The following ABCA13 variants were observed in gnomAD, a reference collection of about 807,000 sequenced individuals.
ABCA13 encodes the protein ATP binding cassette subfamily A member 13.
Under a neutral mutation model 478.7 loss-of-function variants are expected in ABCA13, and 476 were observed. The observed-to-expected ratio is 0.99, with a 90% CI of 0.92 to 1.07. The LOEUF (loss-of-function observed/expected upper bound fraction) is 1.07. Among genes scored for constraint, ABCA13 ranks in the 50% least tolerant of loss-of-function variants. The pLI, the probability that ABCA13 is intolerant of heterozygous loss-of-function variation, is 0.00. For synonymous variants in ABCA13, 2,252 were observed against 2,158.9 expected, an observed-to-expected ratio of 1.04 and a Z score of -1.20; for missense variants, 6,060 against 5,910.6, an observed-to-expected ratio of 1.03 and a Z score of -0.83.
intron 27 of ABCA13, among the ~76,000 whole-genome samples, chr7:48,319,059 G>A (rs1255688110): frequency 6.6e-6 from 1 of 152,148 alleles, no homozygotes; most frequent in Non-Finnish European, 1.5e-5. Context: ...AGGCTGTGGG[G>A]GGCAGCTGGT....
intron 1 of ABCA13, among the ~76,000 whole-genome samples, chr7:48,176,327 G>C (rs1355845031): frequency 6.6e-6 from 1 of 152,098 alleles, no homozygotes; most frequent in African/African-American, 2.4e-5. Context: ...TTAATACGAG[G>C]ACATCAATGT....
intron 35 of ABCA13, among the ~76,000 whole-genome samples, chr7:48,381,821 T>C (rs897393823): frequency 1.3e-5 from 2 of 152,180 alleles, no homozygotes; most frequent in Admixed American, 1.3e-4. Flanking sequence ...CACATATTAA[T>C]GTGCCCAATT....
At chr7:48,233,272 A>G (rs1450488642) in intron 7 of ABCA13, among the ~76,000 whole-genome samples, 5 of 152,182 alleles carry the variant, frequency 3.3e-5, no homozygotes, top group African/African-American at 9.7e-5. Flanking sequence ...GGCTCAGTCA[A>G]TGGGTGTTGA....
chr7:48,631,117 C>G (rs1003902675), intron 59 of ABCA13, among the ~76,000 whole-genome samples: 2 of 151,792 alleles, frequency 1.3e-5, no homozygotes, highest in African/African-American at 4.8e-5. Flanking sequence ...TTATTTTTAA[C>G]TCTGTTGATA....
chr7:48,626,777 A>T, intron 59 of ABCA13: 7 of 985,528 alleles, frequency 7.1e-6, no homozygotes, highest in Non-Finnish European at 8.4e-6. Flanking sequence ...GTCTTTAGAG[A>T]AACAGAAGTT....
At chr7:48,287,749 A>G (rs931042774) in intron 19 of ABCA13, among the ~76,000 whole-genome samples, 2 of 152,212 alleles carry the variant, frequency 1.3e-5, no homozygotes, top group African/African-American at 4.8e-5. Flanking sequence ...TACAAAATCA[A>G]TTAGGCCCAG....
intron 16 of ABCA13, 77 bp from the exon 17 acceptor site, chr7:48,271,710 T>C: frequency 1.1e-6 from 1 of 890,890 alleles, no homozygotes; most frequent in Non-Finnish European, 1.5e-6. Flanking sequence ...TATCAATAAA[T>C]GAGTATTAAC....
chr7:48,593,030 A>G (rs2131427009), intron 57 of ABCA13, among the ~76,000 whole-genome samples: 1 of 152,032 alleles, frequency 6.6e-6, no homozygotes, highest in African/African-American at 2.4e-5. Context: ...CATTCACTTT[A>G]TGCCTTTTGA....
rs2131437427 is a variant in ABCA13 at position 48,594,483 on chromosome 7, T to C, written c.14641-227T>C. 2.0e-5 allele frequency among the ~76,000 whole-genome samples: 3 copies of C among 152,230 alleles called. No individual in the cohort carries two copies. In the South Asian group the frequency reaches 6.2e-4, roughly 32 times the overall value. On this transcript the variant is annotated intron_variant, in intron 57 of 61. Transcript: ENST00000435803. ...GTGAGAAAGAAGTGGGGCTCCTGGG[T>C]AGCATGCTGCATGGCTGGAGGAGTC...
chr7:48,409,043 A>G (rs77754631), intron 39 of ABCA13, among the ~76,000 whole-genome samples: 4,354 of 152,330 alleles, frequency 0.029, 84 homozygotes, highest in East Asian at 0.055. Flanking sequence ...TGACACATGA[A>G]CACGTTGTGT....
intron 3 of ABCA13, among the ~76,000 whole-genome samples, chr7:48,214,938 A>G (rs1342685572): frequency 6.6e-6 from 1 of 152,170 alleles, no homozygotes; most frequent in East Asian, 1.9e-4. Context: ...AGTGAATTGC[A>G]TTTATTAACT....
intron 41 of ABCA13, among the ~76,000 whole-genome samples, chr7:48,418,992 A>T (rs918349180): frequency 1.3e-5 from 2 of 152,162 alleles, no homozygotes; most frequent in African/African-American, 4.8e-5. Flanking sequence ...CTGGGGATGG[A>T]AGGTGGAAGG....
chr7:48,606,267 T>C (rs890601261), intron 58 of ABCA13, among the ~76,000 whole-genome samples: 2 of 151,960 alleles, frequency 1.3e-5, no homozygotes, highest in Non-Finnish European at 2.9e-5. Context: ...TGGCGAGGAG[T>C]TGTGATCCTT....
intron 59 of ABCA13, among the ~76,000 whole-genome samples, chr7:48,626,396 T>TG (rs1176549226): frequency 8.5e-5 from 13 of 152,072 alleles, no homozygotes; most frequent in Non-Finnish European, 1.5e-4. Flanking sequence ...AGATGAACAA[T>TG]GTAAACCATG....
At chr7:48,581,375 G>C (rs1480570509) in intron 56 of ABCA13, among the ~76,000 whole-genome samples, 1 of 152,092 alleles carries the variant, frequency 6.6e-6, no homozygotes, top group African/African-American at 2.4e-5. Flanking sequence ...CTCATTGTAA[G>C]GACTCTGGCC....
chr7:48,467,142 C>A, intron 44 of ABCA13, 97 bp downstream of exon 44: 2 of 1,191,690 alleles, frequency 1.7e-6, no homozygotes, highest in South Asian at 2.4e-5. Flanking sequence ...TATTTCATGT[C>A]ACAAGTTTAT....
intron 38 of ABCA13, among the ~76,000 whole-genome samples, chr7:48,393,767 C>A (rs1012058748): frequency 2.6e-5 from 4 of 152,310 alleles, no homozygotes; most frequent in African/African-American, 9.6e-5. Context: ...GGCGATATGA[C>A]CAGAGACCAA....
intron 41 of ABCA13, among the ~76,000 whole-genome samples, chr7:48,416,857 T>C (rs1585230552): frequency 6.6e-6 from 1 of 152,044 alleles, no homozygotes; most frequent in South Asian, 2.1e-4. Context: ...AGCTCGGGCC[T>C]GTTAAGAGCT....
chr7:48,449,468 G>GAGTA (rs1355416513), intron 42 of ABCA13, among the ~76,000 whole-genome samples: 1 of 152,190 alleles, frequency 6.6e-6, no homozygotes, highest in Non-Finnish European at 1.5e-5. Context: ...AAAGATTGAA[G>GAGTA]AGTACCCTAT....
Sources: gnomAD v4.1 joint callset for allele counts (sites outside exome capture counted in the v4.1 genomes callset) on GRCh38, gnomAD v4.1.1 for gene constraint, MANE v1.5 for transcripts, NCBI Gene and HGNC (gene_info 2026-07-23, HGNC 2026-07-21) for gene names.